Variants in DCC observed in about 807,000 individuals in gnomAD.
DCC encodes the protein netrin receptor DCC.
In DCC, 58 loss-of-function variants were observed where a neutral mutation model predicts 172.5. The ratio of observed to expected loss-of-function variants is 0.34; its 90% confidence interval spans 0.27 to 0.42. The LOEUF (loss-of-function observed/expected upper bound fraction) is 0.42, where lower values mean the gene tolerates loss of function less well. DCC is among the 10% of genes least tolerant of loss of function. DCC has a pLI of 1.00. For missense variants in DCC, 1,740 were observed against 1,791.0 expected (o/e 0.97, Z 0.51); for synonymous variants, 709 against 644.5 (o/e 1.10, Z -1.52).
At chr18:52,904,290 G>GT (rs1377373021) in intron 2 of DCC, among the ~76,000 whole-genome samples, 1 of 152,150 alleles carries the variant, frequency 6.6e-6, no homozygotes, top group Non-Finnish European at 1.5e-5. Context: ...GCTATAATGA[G>GT]TGATATCCTT....
At chr18:53,244,444 C>T (rs932886056) in intron 12 of DCC, among the ~76,000 whole-genome samples, 3 of 152,186 alleles carry the variant, frequency 2.0e-5, no homozygotes, top group South Asian at 2.1e-4. Flanking sequence ...AACTTAGTGG[C>T]TTAAAACAAT....
intron 12 of DCC, among the ~76,000 whole-genome samples, chr18:53,222,647 A>C (rs2055959969): frequency 6.7e-6 from 1 of 149,668 alleles, no homozygotes; most frequent in Non-Finnish European, 1.5e-5. Context: ...CGGCCTCCCA[A>C]AATGCTAAGA....
intron 1 of DCC, among the ~76,000 whole-genome samples, chr18:52,475,843 A>C (rs555664385): frequency 1.0e-3 from 153 of 152,318 alleles, no homozygotes; most frequent in African/African-American, 3.4e-3. Context: ...ATTACCCCAG[A>C]AACTCAGATC....
At chr18:52,933,141 T>C (rs1390139125) in intron 5 of DCC, among the ~76,000 whole-genome samples, 1 of 152,108 alleles carries the variant, frequency 6.6e-6, no homozygotes, top group African/African-American at 2.4e-5. Context: ...TACGGTGAGC[T>C]AATGAATATA....
chr18:53,189,350 A>C (rs1299380684), intron 9 of DCC, among the ~76,000 whole-genome samples: 1 of 152,112 alleles, frequency 6.6e-6, no homozygotes, highest in African/African-American at 2.4e-5. Flanking sequence ...GTAGAAATCC[A>C]AACCTGTGGT....
In DCC at chr18:53,224,265, A is replaced by C. The variant is rs376155917; in HGVS notation, c.1911+8668A>C. Reference sequence around the variant, plus strand: ...GAATAGAAAAGGATCAGCTTTGTGCACACTCAGAGTAACATATTTCAAGTG... The same window carrying C: ...GAATAGAAAAGGATCAGCTTTGTGCCCACTCAGAGTAACATATTTCAAGTG... On this transcript the variant is annotated intron_variant, in intron 12 of 28. Transcript: ENST00000442544. 1.1e-3 allele frequency among the ~76,000 whole-genome samples: 162 copies of C among 152,274 alleles called. 1 individual carries two copies. The South Asian group carries it at 0.014, about 13-fold the overall frequency.
chr18:52,494,256 G>T (rs1291971871), intron 1 of DCC, among the ~76,000 whole-genome samples: 1 of 122,304 alleles, frequency 8.2e-6, no homozygotes, highest in Non-Finnish European at 1.7e-5. Context: ...GATATGGTAT[G>T]GTTTGTGATG....
At chr18:52,789,955 C>A (rs982579760) in intron 2 of DCC, among the ~76,000 whole-genome samples, 2 of 152,106 alleles carry the variant, frequency 1.3e-5, no homozygotes, top group African/African-American at 4.8e-5. Context: ...CTGAAGGCTA[C>A]AAAATTTTGA....
intron 1 of DCC, 137 bp downstream of exon 1, chr18:52,341,015 C>T (rs1382508361): frequency 1.3e-6 from 1 of 747,028 alleles, no homozygotes; most frequent in Middle Eastern, 2.5e-4. Context: ...ATTTGCGCAC[C>T]GATGATAAAA....
chr18:52,466,847 A>T (rs1988797734), intron 1 of DCC, among the ~76,000 whole-genome samples: 1 of 152,146 alleles, frequency 6.6e-6, no homozygotes, highest in South Asian at 2.1e-4. Flanking sequence ...AGCATTTCAT[A>T]TACACTTGTT....
chr18:52,523,663 C>A (rs1018375793), intron 1 of DCC, among the ~76,000 whole-genome samples: 1 of 152,122 alleles, frequency 6.6e-6, no homozygotes. Context: ...TAAAAAGGTT[C>A]TTTCATGAAT....
chr18:53,322,905 A>T (rs2057429236), intron 14 of DCC, among the ~76,000 whole-genome samples: 1 of 152,010 alleles, frequency 6.6e-6, no homozygotes, highest in Non-Finnish European at 1.5e-5. Context: ...AATTCATAAA[A>T]ATGAGAGGTC....
chr18:52,726,780 C>T (rs1407662254), intron 1 of DCC, among the ~76,000 whole-genome samples: 2 of 152,132 alleles, frequency 1.3e-5, no homozygotes, highest in Non-Finnish European at 2.9e-5. Flanking sequence ...CCAAAAATTA[C>T]TCATCTGTAA....
Position 53,369,581 on chromosome 18 carries a change from C to T in DCC, c.2360-16462C>T, listed in dbSNP as rs189373288. On this transcript the variant is annotated intron_variant, in intron 15 of 28. Coordinates refer to ENST00000442544, the MANE Select transcript of DCC (RefSeq NM_005215.4). ...TTTCCTGATCTTAGAGGAAAAGTCT[C>T]ACCATTGGGCATTGTGTTTGCTGTG... 3.8e-4 allele frequency among the ~76,000 whole-genome samples: 57 copies of T among 151,946 alleles called. No individual in the cohort carries two copies. The East Asian group carries it at 0.01, about 28-fold the overall frequency.
At chr18:52,711,232 G>GT (rs2036286777) in intron 1 of DCC, among the ~76,000 whole-genome samples, 3 of 152,074 alleles carry the variant, frequency 2.0e-5, no homozygotes, top group Middle Eastern at 3.4e-3. Flanking sequence ...TTATTTATTT[G>GT]TTTTTTTATT....
At chr18:52,973,444 T>C (rs1282972360) in intron 5 of DCC, among the ~76,000 whole-genome samples, 1 of 152,182 alleles carries the variant, frequency 6.6e-6, no homozygotes, top group South Asian at 2.1e-4. Flanking sequence ...ATAACTTGCT[T>C]ACCCACTGGC....
At chr18:52,852,253 A>G (rs770818641) in intron 2 of DCC, among the ~76,000 whole-genome samples, 17 of 152,162 alleles carry the variant, frequency 1.1e-4, no homozygotes, top group East Asian at 5.8e-4. Flanking sequence ...GCATCAATAT[A>G]CTCTCTAGCT....
intron 1 of DCC, among the ~76,000 whole-genome samples, chr18:52,444,880 T>C (rs925480973): frequency 2.6e-5 from 4 of 152,182 alleles, no homozygotes; most frequent in Admixed American, 1.3e-4. Flanking sequence ...AAAGCAAATA[T>C]AGTCATTCTG....
At chr18:52,652,330 C>G (rs1342987319) in intron 1 of DCC, among the ~76,000 whole-genome samples, 1 of 152,154 alleles carries the variant, frequency 6.6e-6, no homozygotes. Context: ...CAAAGATATA[C>G]CTCTCGTCTC....
Sources: gnomAD v4.1 joint callset for allele counts (sites outside exome capture counted in the v4.1 genomes callset) on GRCh38, gnomAD v4.1.1 for gene constraint, MANE v1.5 for transcripts, NCBI Gene and HGNC (gene_info 2026-07-23, HGNC 2026-07-21) for gene names.